The following MAST4 variants were observed in gnomAD, a reference collection of about 807,000 sequenced individuals.
MAST4 encodes the protein microtubule-associated serine/threonine-protein kinase 4.
In MAST4, 89 loss-of-function variants were observed where a neutral mutation model predicts 162.7. The observed-to-expected ratio is 0.55, with a 90% CI of 0.46 to 0.65. The LOEUF (loss-of-function observed/expected upper bound fraction) is 0.65. Among genes scored for constraint, MAST4 ranks in the 30% least tolerant of loss-of-function variants. The pLI is 0.00. For missense variants in MAST4, 3,153 were observed against 3,374.0 expected (o/e 0.93, Z 1.62); for synonymous variants, 1,479 against 1,361.1 (o/e 1.09, Z -1.91).
intron 3 of MAST4, among the ~76,000 whole-genome samples, chr5:66,807,697 A>G (rs1375501958): frequency 6.6e-6 from 1 of 151,794 alleles, no homozygotes; most frequent in East Asian, 1.9e-4. Flanking sequence ...GCATTCTCAT[A>G]CTCATGGGAA....
At chr5:66,768,837 A>G (rs1754229105) in intron 2 of MAST4, among the ~76,000 whole-genome samples, 1 of 152,162 alleles carries the variant, frequency 6.6e-6, no homozygotes, top group Non-Finnish European at 1.5e-5. Flanking sequence ...TATATCTATA[A>G]TTATATCAAA....
chr5:66,750,790 C>T (rs1162654308), intron 1 of MAST4, among the ~76,000 whole-genome samples: 1 of 152,232 alleles, frequency 6.6e-6, no homozygotes, highest in East Asian at 1.9e-4. Context: ...GGGTGGAGCC[C>T]ACCACAGCTC....
chr5:67,005,054 A>C, intron 4 of MAST4: 1 of 773,160 alleles, frequency 1.3e-6, no homozygotes, highest in Non-Finnish European at 2.4e-6. Flanking sequence ...GCCTCATTTG[A>C]GGAGTGGGAA....
intron 1 of MAST4, among the ~76,000 whole-genome samples, chr5:66,729,601 T>C (rs374424154): frequency 4.6e-5 from 7 of 152,320 alleles, no homozygotes; most frequent in Admixed American, 1.3e-4. Flanking sequence ...GGGCCTCTTA[T>C]TCTAAGTCTG....
At chr5:66,985,710 G>T (rs1365126068) in intron 4 of MAST4, among the ~76,000 whole-genome samples, 6 of 152,158 alleles carry the variant, frequency 3.9e-5, no homozygotes. Flanking sequence ...TGGAACAAGG[G>T]TGTATGGGGT....
At chr5:67,137,849 G>T (rs1044539046) in intron 19 of MAST4, among the ~76,000 whole-genome samples, 4 of 152,162 alleles carry the variant, frequency 2.6e-5, no homozygotes, top group African/African-American at 9.7e-5. Flanking sequence ...ATGACAGACC[G>T]CATGCCCTGC....
intron 4 of MAST4, among the ~76,000 whole-genome samples, chr5:67,015,158 T>C (rs1393832606): frequency 1.3e-5 from 2 of 152,230 alleles, no homozygotes; most frequent in Non-Finnish European, 2.9e-5. Context: ...ATACTTTTTT[T>C]CAGTTAGCAG....
intron 1 of MAST4, among the ~76,000 whole-genome samples, chr5:66,616,890 T>C (rs1743728673): frequency 2.6e-5 from 4 of 152,244 alleles, no homozygotes; most frequent in Admixed American, 2.6e-4. Context: ...TGGCAGCTCT[T>C]CTCTACAATT....
chr5:66,912,306 T>A (rs1257107419), intron 4 of MAST4, among the ~76,000 whole-genome samples: 1 of 152,226 alleles, frequency 6.6e-6, no homozygotes, highest in Admixed American at 6.5e-5. Context: ...ATGGGGCACA[T>A]GAGTGGGTTT....
At chr5:66,770,677 G>A (rs1288740761) in intron 2 of MAST4, among the ~76,000 whole-genome samples, 6 of 152,182 alleles carry the variant, frequency 3.9e-5, no homozygotes. Context: ...AAGAATCAGA[G>A]TCATTTCTCT....
chr5:67,095,479 C>T (rs1764348442), intron 6 of MAST4, 118 bp from the exon 7 acceptor site: 11 of 690,672 alleles, frequency 1.6e-5, no homozygotes, highest in Non-Finnish European at 1.2e-5. Flanking sequence ...CTGAACATTT[C>T]CACATCCTCA....
intron 3 of MAST4, among the ~76,000 whole-genome samples, chr5:66,809,591 A>T (rs1756377338): frequency 6.6e-6 from 1 of 152,222 alleles, no homozygotes. Flanking sequence ...ATAAGAAGTG[A>T]TATGTATACA....
At chr5:66,939,096 T>C (rs1359745640) in intron 4 of MAST4, among the ~76,000 whole-genome samples, 1 of 152,094 alleles carries the variant, frequency 6.6e-6, no homozygotes, top group African/African-American at 2.4e-5. Context: ...AAATACATAA[T>C]TAATGTTAAC....
At chr5:66,932,575 T>C (rs1412989880) in intron 4 of MAST4, among the ~76,000 whole-genome samples, 1 of 152,190 alleles carries the variant, frequency 6.6e-6, no homozygotes, top group Admixed American at 6.5e-5. Context: ...CATGGCTGAT[T>C]CTTATTTAAG....
At chr5:66,874,170 T>C (rs1422252232) in intron 3 of MAST4, among the ~76,000 whole-genome samples, 1 of 152,168 alleles carries the variant, frequency 6.6e-6, no homozygotes, top group Admixed American at 6.5e-5. Context: ...CCTTTCACTT[T>C]GAGAATATGC....
chr5:66,915,688 C>T (rs1202119856), intron 4 of MAST4, among the ~76,000 whole-genome samples: 2 of 152,140 alleles, frequency 1.3e-5, no homozygotes, highest in Non-Finnish European at 2.9e-5. Context: ...TGCACGCGGG[C>T]GCTGGTCCCG....
rs760215018 is a variant in MAST4 at position 67,166,704 on chromosome 5, G to A, written c.7525G>A (p.Gly2509Arg). ...GGACCATAGGAAGGCTCAGCCTGCC[G>A]GGGAGGGCCGAACCCACATGACAAA... ...NRDHRKAQPA[G>R]EGRTHMTKSD... Residue 2509 changes from glycine (G) to arginine (R), a missense_variant, in exon 29 of 29, where the codon GGG becomes AGG. Physicochemically the swap from Gly to Arg is moderately radical, Grantham distance 125. Coordinates refer to ENST00000403625, the MANE Select transcript of MAST4 (RefSeq NM_001164664.2). 17 of 1,589,128 alleles carry A rather than the reference G, an allele frequency of 1.1e-5. No individual in the cohort carries two copies. Among genetic ancestry groups the A allele is most frequent in the Admixed American group, 8.9e-5 (5 of 56,288 alleles).
chr5:67,040,312 C>A (rs1201889836), intron 4 of MAST4, among the ~76,000 whole-genome samples: 7 of 152,136 alleles, frequency 4.6e-5, no homozygotes. Flanking sequence ...ACAGTTCTCT[C>A]CAGAGAGCTG....
At chr5:67,078,832 A>ATT (rs1259282078) in intron 5 of MAST4, among the ~76,000 whole-genome samples, 3 of 114,652 alleles carry the variant, frequency 2.6e-5, no homozygotes, top group African/African-American at 7.7e-5. Flanking sequence ...ATTTATATTT[A>ATT]TATATTTAAA....
Sources: gnomAD v4.1 joint callset for allele counts (sites outside exome capture counted in the v4.1 genomes callset) on GRCh38, gnomAD v4.1.1 for gene constraint, MANE v1.5 for transcripts, NCBI Gene and HGNC (gene_info 2026-07-23, HGNC 2026-07-21) for gene names.